The following LUZP2 variants were observed in gnomAD, a reference collection of about 807,000 sequenced individuals.
LUZP2 encodes leucine zipper protein 2.
LUZP2 carries 52 observed loss-of-function variants against 51.6 expected under a neutral mutation model. The observed-to-expected ratio is 1.01, with a 90% CI of 0.81 to 1.27. LUZP2 has a LOEUF of 1.27. LUZP2 is among the 50% of genes most tolerant of loss of function. The probability of loss-of-function intolerance (pLI) is 0.00; values close to 1 mark genes in which losing one functional copy is unlikely to be tolerated. For missense variants in LUZP2, 436 were observed against 395.4 expected (o/e 1.10, Z -0.87); for synonymous variants, 154 against 137.3 (o/e 1.12, Z -0.85).
intron 5 of LUZP2, among the ~76,000 whole-genome samples, chr11:24,900,519 C>T (rs1166954840): frequency 1.3e-5 from 2 of 152,152 alleles, no homozygotes; most frequent in Non-Finnish European, 2.9e-5. Flanking sequence ...TTCTGCATTG[C>T]ATTCTTAAAT....
chr11:24,645,480 T>C (rs963890689), intron 1 of LUZP2, among the ~76,000 whole-genome samples: 6 of 152,112 alleles, frequency 3.9e-5, no homozygotes, highest in African/African-American at 1.4e-4. Context: ...TAAAAGACAC[T>C]AGAATTATGC....
chr11:24,574,708 ATG>A (rs1852584733), intron 1 of LUZP2, among the ~76,000 whole-genome samples: 1 of 152,014 alleles, frequency 6.6e-6, no homozygotes, highest in Non-Finnish European at 1.5e-5. Context: ...GTTGGATAAT[ATG>A]TGTTTGTTAA....
intron 7 of LUZP2, among the ~76,000 whole-genome samples, chr11:24,941,842 A>T (rs1008005655): frequency 6.6e-5 from 10 of 152,098 alleles, no homozygotes; most frequent in African/African-American, 1.9e-4. Flanking sequence ...AATATATATA[A>T]ATAGTGTGTT....
chr11:24,689,477 T>C (rs1240792136), intron 1 of LUZP2, among the ~76,000 whole-genome samples: 2 of 152,192 alleles, frequency 1.3e-5, no homozygotes, highest in Admixed American at 1.3e-4. Context: ...GGGAAGCGGC[T>C]GATCGCCAGC....
At chr11:24,703,450 C>A (rs1385468817) in intron 1 of LUZP2, among the ~76,000 whole-genome samples, 3 of 152,132 alleles carry the variant, frequency 2.0e-5, no homozygotes, top group African/African-American at 7.2e-5. Context: ...TTTTAGATTT[C>A]ATTCAGAACA....
intron 2 of LUZP2, among the ~76,000 whole-genome samples, chr11:24,730,377 T>G (rs1409099153): frequency 6.7e-6 from 1 of 148,918 alleles, no homozygotes; most frequent in Non-Finnish European, 1.5e-5. Context: ...CCAGAAGATG[T>G]GTTACATATG....
chr11:24,599,238 T>A (rs762873419), intron 1 of LUZP2, among the ~76,000 whole-genome samples: 4 of 152,152 alleles, frequency 2.6e-5, no homozygotes, highest in Non-Finnish European at 5.9e-5. Context: ...GAGAAACTAC[T>A]TTTCCAGAGT....
chr11:24,791,037 A>T (rs1211882621), intron 5 of LUZP2, among the ~76,000 whole-genome samples: 2 of 152,090 alleles, frequency 1.3e-5, no homozygotes, highest in African/African-American at 2.4e-5. Flanking sequence ...CAATATATTT[A>T]CCTGTATGTT....
intron 5 of LUZP2, among the ~76,000 whole-genome samples, chr11:24,793,773 A>T (rs1038349488): frequency 4.6e-5 from 7 of 152,160 alleles, no homozygotes; most frequent in African/African-American, 1.7e-4. Context: ...TCATTCCCTC[A>T]GTCTCACCTA....
intron 1 of LUZP2, among the ~76,000 whole-genome samples, chr11:24,617,819 C>A (rs537072317): frequency 6.6e-6 from 1 of 152,048 alleles, no homozygotes; most frequent in South Asian, 2.1e-4. Context: ...GAGTAAGACT[C>A]TGCCTCCAAA....
chr11:24,504,767 C>T (rs1210799769), intron 1 of LUZP2, among the ~76,000 whole-genome samples: 3 of 151,920 alleles, frequency 2.0e-5, no homozygotes, highest in Non-Finnish European at 4.4e-5. Flanking sequence ...TAGACTAGTA[C>T]AGCCAAAATT....
chr11:24,815,398 A>C (rs1850150580), intron 5 of LUZP2, among the ~76,000 whole-genome samples: 1 of 152,230 alleles, frequency 6.6e-6, no homozygotes. Flanking sequence ...TCAAAAGTTT[A>C]AGGAGTTTAG....
intron 5 of LUZP2, among the ~76,000 whole-genome samples, chr11:24,857,493 C>T (rs777533578): frequency 8.6e-5 from 13 of 151,218 alleles, no homozygotes; most frequent in Non-Finnish European, 1.8e-4. Context: ...ATATTTTAGT[C>T]TCTTTAACCC....
chr11:24,878,680 T>A (rs2134286404), intron 5 of LUZP2, among the ~76,000 whole-genome samples: 1 of 152,082 alleles, frequency 6.6e-6, no homozygotes, highest in East Asian at 1.9e-4. Context: ...CCGGGACACA[T>A]GTGCAGAAAG....
chr11:24,952,967 G>A (rs928536143), intron 7 of LUZP2, among the ~76,000 whole-genome samples: 3 of 151,700 alleles, frequency 2.0e-5, no homozygotes, highest in African/African-American at 7.3e-5. Context: ...TCTCCTGTAA[G>A]CAAATTTGCC....
chr11:24,907,419 A>G (rs1853492947), intron 6 of LUZP2, among the ~76,000 whole-genome samples: 1 of 152,076 alleles, frequency 6.6e-6, no homozygotes. Context: ...ATACACAAAA[A>G]CTAAAAGATG....
At chr11:24,615,985 T>G (rs889134562) in intron 1 of LUZP2, among the ~76,000 whole-genome samples, 8 of 151,824 alleles carry the variant, frequency 5.3e-5, no homozygotes, top group Admixed American at 2.6e-4. Context: ...TTTTGGGTCT[T>G]TCTTCTGTGC....
chr11:24,836,866 A>G (rs1439656381), intron 5 of LUZP2, among the ~76,000 whole-genome samples: 2 of 151,864 alleles, frequency 1.3e-5, no homozygotes, highest in Non-Finnish European at 3.0e-5. Flanking sequence ...GTAGCACTGT[A>G]TCAATGTTGA....
At chr11:24,647,684 A>AT (rs1229495273) in intron 1 of LUZP2, among the ~76,000 whole-genome samples, 4 of 151,864 alleles carry the variant, frequency 2.6e-5, no homozygotes, top group African/African-American at 9.7e-5. Context: ...TGATCTGCTT[A>AT]TTTTTTGATT....
Sources: allele counts gnomAD v4.1 joint callset (sites outside exome capture counted in the v4.1 genomes callset), GRCh38; gene constraint gnomAD v4.1.1; transcripts MANE v1.5; gene names NCBI Gene and HGNC (gene_info 2026-07-23, HGNC 2026-07-21).